Variants in CELF2 observed in about 807,000 individuals in gnomAD.
CELF2 encodes CUG triplet repeat RNA-binding protein 2.
Under a neutral mutation model 62.6 loss-of-function variants are expected in CELF2, and 8 were observed. The ratio of observed to expected loss-of-function variants is 0.13; its 90% CI spans 0.07 to 0.23. The LOEUF is 0.23. Among genes scored for constraint, CELF2 ranks in the 10% least tolerant of loss-of-function variants. The pLI is 1.00. For synonymous variants in CELF2, 258 were observed against 250.0 expected (o/e 1.03, Z -0.30); for missense variants, 333 against 671.0 (o/e 0.50, Z 5.56).
chr10:10,760,886 C>T, the CELF2 span, among the ~76,000 whole-genome samples: 3 of 152,106 alleles, frequency 2.0e-5, no homozygotes, highest in Non-Finnish European at 4.4e-5. Flanking sequence ...CAGCAAAGGT[C>T]GCATCACGCA....
chr10:10,790,292 A>C, the CELF2 span, among the ~76,000 whole-genome samples: 1 of 152,202 alleles, frequency 6.6e-6, no homozygotes, highest in Admixed American at 6.5e-5. Flanking sequence ...TGCTAACAGA[A>C]CCCTACTATA....
chr10:10,680,810 T>C, the CELF2 span, among the ~76,000 whole-genome samples: 24 of 152,336 alleles, frequency 1.6e-4, no homozygotes, highest in East Asian at 3.5e-3. Context: ...AGCTCTCTTT[T>C]AGCAAGGTTA....
At chr10:10,795,601 T>G (rs1284696980), upstream of CELF2, among the ~76,000 whole-genome samples, 2 of 152,164 alleles carry the variant, frequency 1.3e-5, no homozygotes, top group Non-Finnish European at 2.9e-5. Flanking sequence ...GGCCTATTTC[T>G]TAGTAGGAAA....
the CELF2 span, among the ~76,000 whole-genome samples, chr10:10,791,936 T>G: frequency 6.7e-6 from 1 of 150,264 alleles, no homozygotes; most frequent in African/African-American, 2.5e-5. Context: ...ATCAAAAACT[T>G]TGAAGGAAAG....
the CELF2 span, among the ~76,000 whole-genome samples, chr10:10,555,875 C>T: frequency 6.6e-6 from 1 of 152,136 alleles, no homozygotes; most frequent in Non-Finnish European, 1.5e-5. Context: ...GTTGCCCAGG[C>T]CCTAATTGTT....
chr10:11,088,505 TAAG>T (rs1203542957), intron 1 of CELF2, among the ~76,000 whole-genome samples: 4 of 151,964 alleles, frequency 2.6e-5, no homozygotes, highest in South Asian at 4.1e-4. Flanking sequence ...ACCTGTGGTT[TAAG>T]AAGATGAATT....
intron 1 of CELF2, among the ~76,000 whole-genome samples, chr10:11,142,171 A>C (rs1423593444): frequency 6.6e-6 from 1 of 152,220 alleles, no homozygotes; most frequent in East Asian, 1.9e-4. Flanking sequence ...TTAGAGAAGA[A>C]TTGATCACTG....
intron 1 of CELF2, among the ~76,000 whole-genome samples, chr10:10,818,296 G>C (rs188750952): frequency 1.6e-4 from 24 of 152,264 alleles, no homozygotes; most frequent in African/African-American, 5.3e-4. Flanking sequence ...GAGTGTATCA[G>C]TCACATGCAC....
chr10:10,765,099 CTGA>C, the CELF2 span, among the ~76,000 whole-genome samples: 1 of 152,142 alleles, frequency 6.6e-6, no homozygotes, highest in Non-Finnish European at 1.5e-5. Flanking sequence ...CTTGTGGGGG[CTGA>C]TGTCCAAGGA....
At chr10:10,555,404 T>A in the CELF2 span, among the ~76,000 whole-genome samples, 1 of 151,912 alleles carries the variant, frequency 6.6e-6, no homozygotes, top group Admixed American at 6.6e-5. Context: ...AAAGGAACCG[T>A]GTCTGTATAA....
At chr10:11,140,815 A>C (rs1013374683) in intron 1 of CELF2, among the ~76,000 whole-genome samples, 1 of 152,142 alleles carries the variant, frequency 6.6e-6, no homozygotes, top group Non-Finnish European at 1.5e-5. Flanking sequence ...CCGAGATTTC[A>C]AGACCAGCCC....
chr10:11,307,755 T>C (rs2140359822), intron 9 of CELF2, among the ~76,000 whole-genome samples: 1 of 152,320 alleles, frequency 6.6e-6, no homozygotes, highest in East Asian at 1.9e-4. Context: ...CTGATGAAAC[T>C]ATAGAGTTGT....
intron 2 of CELF2, among the ~76,000 whole-genome samples, chr10:10,924,281 C>CAAAAAAAAAAAAAAAAAAAAAAAAA (rs11415164): frequency 2.2e-5 from 1 of 45,102 alleles, no homozygotes. Flanking sequence ...GACTCCGTCC[C>CAAAAAAAAAAAAAAAAAAAAAAAAA]AAAAAAAAAA....
intron 2 of CELF2, among the ~76,000 whole-genome samples, chr10:10,920,696 G>A (rs1365666550): frequency 6.6e-6 from 1 of 150,466 alleles, no homozygotes. Context: ...GGGAGAAATG[G>A]AGAAAAGAAG....
intron 1 of CELF2, among the ~76,000 whole-genome samples, chr10:10,831,828 C>T (rs544933081): frequency 1.8e-3 from 272 of 152,126 alleles, no homozygotes; most frequent in African/African-American, 6.2e-3. Context: ...AAAAATTAGC[C>T]AGGTGTGGTG....
At chr10:10,594,285 C>T in the CELF2 span, among the ~76,000 whole-genome samples, 1 of 152,136 alleles carries the variant, frequency 6.6e-6, no homozygotes, top group African/African-American at 2.4e-5. Context: ...ACAGTTAATG[C>T]AGGAGGAAAC....
chr10:10,825,871 T>C (rs1022093861), intron 1 of CELF2, among the ~76,000 whole-genome samples: 2 of 152,206 alleles, frequency 1.3e-5, no homozygotes, highest in Non-Finnish European at 2.9e-5. Context: ...AAGATGCTTG[T>C]GAAGCCATGT....
chr10:10,939,811 G>A (rs149480597), intron 2 of CELF2, among the ~76,000 whole-genome samples: 26 of 151,994 alleles, frequency 1.7e-4, no homozygotes, highest in African/African-American at 3.6e-4. Flanking sequence ...AAAATTAGCC[G>A]GGCTTGGTGG....
intron 1 of CELF2, among the ~76,000 whole-genome samples, chr10:11,033,482 C>G (rs1452596092): frequency 1.3e-5 from 2 of 152,162 alleles, no homozygotes; most frequent in Non-Finnish European, 2.9e-5. Flanking sequence ...GTCTCAGCCT[C>G]CCGACCTCAG....
Sources: allele counts gnomAD v4.1 joint callset (sites outside exome capture counted in the v4.1 genomes callset), GRCh38; gene constraint gnomAD v4.1.1; transcripts MANE v1.5; gene names NCBI Gene and HGNC (gene_info 2026-07-23, HGNC 2026-07-21).